The following IQSEC1 variants were observed in gnomAD, a reference collection of about 807,000 sequenced individuals.
The protein encoded by IQSEC1 is IQ motif and Sec7 domain ArfGEF 1.
IQSEC1 carries 31 observed loss-of-function variants against 91.0 expected under a neutral mutation model. The ratio of observed to expected loss-of-function variants is 0.34; its 90% CI spans 0.26 to 0.46. The LOEUF (loss-of-function observed/expected upper bound fraction) is 0.46, where lower values mean the gene tolerates loss of function less well. Among genes scored for constraint, IQSEC1 ranks in the 20% least tolerant of loss-of-function variants. The pLI is 1.00. For missense variants in IQSEC1, 1,388 were observed against 1,575.6 expected (o/e 0.88, Z 2.02); for synonymous variants, 699 against 662.6 (o/e 1.05, Z -0.84).
At position 12,967,740 on chromosome 3, in the gene IQSEC1, A is replaced by AGGGCGGGGGCGGGGCC. The variant is rs1553666758; in HGVS notation, c.24-25891_24-25876dup. The AGGGCGGGGGCGGGGCC allele has an allele frequency of 5.7e-6, 6 of 1,047,852 alleles. No homozygotes were observed. The Admixed American group carries it at 2.2e-4, about 39-fold the overall frequency. 64.9% of individuals were successfully genotyped at this position (1,047,852 alleles called of 1,614,324 possible). On this transcript the variant is annotated intron_variant, in intron 1 of 13. Transcript: ENST00000613206. The surrounding 1 kb of genome is among the most constrained non-coding windows in gnomAD (Gnocchi z 5.9). ...AATGTGGCCCTGAAGTGGGCGGGGC[A>AGGGCGGGGGCGGGGCC]GGGCGGGGGCGGGGCCGGAGGGCGA... is the stretch of plus-strand genomic sequence containing the variant.
chr3:13,103,160 CCAGGCAGGT>C lies in IQSEC1; in HGVS notation c.303-55647_303-55639del, dbSNP rs1202985563. ...CCCTGGCCCATGTCCCCGGCTGGCC[CCAGGCAGGT>C]CAGTTCAGGGAAGGGGCCTGCATCG... is the stretch of plus-strand genomic sequence containing the variant. On this transcript the variant is annotated intron_variant, in intron 2 of 15. Coordinates refer to the IQSEC1 transcript ENST00000648114. This position sits in a 1 kb window ranked among gnomAD's most constrained non-coding sequence, Gnocchi z 4.1. Among the ~76,000 whole-genome samples the C allele has an allele frequency of 1.3e-5, 2 of 152,098 alleles. No individual in the cohort carries two copies. The highest frequency in any genetic ancestry group is 2.1e-4 in the South Asian group (1 of 4,828).
chr3:12,920,155 A>C (rs1223448203), intron 6 of IQSEC1, among the ~76,000 whole-genome samples: 1 of 152,248 alleles, frequency 6.6e-6, no homozygotes, highest in East Asian at 1.9e-4. Flanking sequence ...CTTCAAGGAC[A>C]AGCTAACAGT....
chr3:13,238,374 G>A (rs1428014101), intron 1 of IQSEC1, among the ~76,000 whole-genome samples: 3 of 152,138 alleles, frequency 2.0e-5, no homozygotes, highest in African/African-American at 7.2e-5. Context: ...CCCAGGGCCA[G>A]CACACTTGCC....
chr3:12,903,956 C>T (rs1694676959), intron 12 of IQSEC1, among the ~76,000 whole-genome samples: 1 of 152,248 alleles, frequency 6.6e-6, no homozygotes, highest in South Asian at 2.1e-4. Flanking sequence ...ACCCGACCGC[C>T]TCTAAGGCTG....
At chr3:12,984,056 G>GA (rs1701603231) in intron 1 of IQSEC1, among the ~76,000 whole-genome samples, 1 of 152,172 alleles carries the variant, frequency 6.6e-6, no homozygotes, top group South Asian at 2.1e-4. Flanking sequence ...CTGGAACTGA[G>GA]ATAGGGACCC....
intron 2 of IQSEC1, among the ~76,000 whole-genome samples, chr3:13,145,812 G>GT: frequency 7.5e-6 from 1 of 133,582 alleles, no homozygotes; most frequent in South Asian, 3.1e-4. Context: ...GGCGGGGGGG[G>GT]GGGGTCCTGA....
intron 1 of IQSEC1, among the ~76,000 whole-genome samples, chr3:13,032,986 T>C (rs1431585051): frequency 1.3e-5 from 2 of 152,244 alleles, no homozygotes; most frequent in African/African-American, 4.8e-5. Context: ...GCCTGGAAAC[T>C]GCAGTGCCTT....
At chr3:13,130,882 G>C (rs1706599884) in intron 2 of IQSEC1, among the ~76,000 whole-genome samples, 2 of 147,358 alleles carry the variant, frequency 1.4e-5, no homozygotes, top group Non-Finnish European at 3.0e-5. Context: ...TTGAGACTGA[G>C]AATTGCTTCC....
chr3:12,953,407 C>A (rs1340718143), intron 1 of IQSEC1, among the ~76,000 whole-genome samples: 1 of 152,260 alleles, frequency 6.6e-6, no homozygotes, highest in Non-Finnish European at 1.5e-5. Context: ...CCTGCTGAGG[C>A]CCGATAAGGC....
intron 1 of IQSEC1, among the ~76,000 whole-genome samples, chr3:12,978,149 C>T (rs995507931): frequency 2.0e-5 from 3 of 152,170 alleles, no homozygotes. Context: ...CTACAAGGTG[C>T]GGATTGTTTT....
Position 12,901,196 on chromosome 3 carries a change from G to A in IQSEC1, c.3132C>T (p.His1044=), listed in dbSNP as rs774057712. Residue 1044 remains histidine (H), a synonymous_variant, in exon 14 of 14, where the codon CAC becomes CAT. Transcript: ENST00000613206. ...MQNPPPYHHH[H]HHHPPQHIQH... ...GGATGTGCTGGGGTGGGTGGTGGTG[G>A]TGGTGATGGTGGTACGGGGGAGGGT... The A allele has an allele frequency of 9.3e-5, 144 of 1,543,840 alleles. No individual in the cohort carries two copies. The Middle Eastern group carries it at 5.7e-3, about 62-fold the overall frequency.
At chr3:13,052,019 AC>A (rs757748412) in intron 1 of IQSEC1, among the ~76,000 whole-genome samples, 4 of 152,198 alleles carry the variant, frequency 2.6e-5, no homozygotes, top group Non-Finnish European at 5.9e-5. Context: ...TATCTTGCAC[AC>A]CTGCAGTACA....
rs1221966319 is a variant in IQSEC1, at chr3:13,214,936, T to G, written c.273-50803A>C. On this transcript the variant is annotated intron_variant, in intron 1 of 15. Coordinates refer to the IQSEC1 transcript ENST00000648114. This position sits in a 1 kb window ranked among gnomAD's most constrained non-coding sequence, Gnocchi z 4.5. ...CCCGAGTGAACGGATGAGTGGAATTTACTGCACCCATAAGTAGAATCTTGA... is the reference window on the plus strand; with the variant it reads ...CCCGAGTGAACGGATGAGTGGAATTGACTGCACCCATAAGTAGAATCTTGA... Among the ~76,000 whole-genome samples, 1 of 152,188 alleles carries G rather than the reference T, an allele frequency of 6.6e-6. No homozygotes were observed. The highest frequency in any genetic ancestry group is 2.4e-5 in the African/African-American group (1 of 41,444).
chr3:13,229,854 C>T (rs1694815441), intron 1 of IQSEC1, among the ~76,000 whole-genome samples: 1 of 152,174 alleles, frequency 6.6e-6, no homozygotes, highest in African/African-American at 2.4e-5. Flanking sequence ...GGGCAAGTGA[C>T]CCAACCTGTC....
At chr3:13,199,462 C>T (rs1030352243) in intron 1 of IQSEC1, among the ~76,000 whole-genome samples, 9 of 152,148 alleles carry the variant, frequency 5.9e-5, no homozygotes, top group African/African-American at 1.2e-4. Flanking sequence ...CTGGGCAGCT[C>T]GCACAGGACT....
intron 2 of IQSEC1, among the ~76,000 whole-genome samples, chr3:13,133,531 G>A (rs1333602259): frequency 6.6e-6 from 1 of 152,216 alleles, no homozygotes; most frequent in African/African-American, 2.4e-5. Flanking sequence ...CTGAGGTCCA[G>A]GGCAGCAGGC....
At chr3:12,953,354 G>C (rs1699687937) in intron 1 of IQSEC1, among the ~76,000 whole-genome samples, 1 of 152,252 alleles carries the variant, frequency 6.6e-6, no homozygotes, top group South Asian at 2.1e-4. Context: ...CCTGGGCGGA[G>C]ACCGGCCTCA....
At chr3:12,901,872 C>CTG (rs1317053850) in intron 13 of IQSEC1, among the ~76,000 whole-genome samples, 2 of 152,160 alleles carry the variant, frequency 1.3e-5, no homozygotes, top group African/African-American at 4.8e-5. Context: ...GTTGGGGTGT[C>CTG]TGTGCGCTGT....
intron 1 of IQSEC1, among the ~76,000 whole-genome samples, chr3:13,203,577 G>C (rs763339739): frequency 2.0e-5 from 3 of 152,182 alleles, no homozygotes; most frequent in Non-Finnish European, 4.4e-5. Context: ...ACACACCGGA[G>C]AGGCAAGGAG....
Sources: allele counts gnomAD v4.1 joint callset (sites outside exome capture counted in the v4.1 genomes callset), GRCh38; gene constraint gnomAD v4.1.1; non-coding constraint Gnocchi (gnomAD v3.1); transcripts MANE v1.5; gene names NCBI Gene and HGNC (gene_info 2026-07-23, HGNC 2026-07-21).